The following ZBTB20 variants were observed in gnomAD, a reference collection of about 807,000 sequenced individuals.
ZBTB20 encodes zinc finger and BTB domain-containing protein 20.
Under a neutral mutation model 56.9 loss-of-function variants are expected in ZBTB20, and 9 were observed. The observed-to-expected ratio is 0.16, with a 90% CI of 0.10 to 0.28. The LOEUF is 0.28. Among genes scored for constraint, ZBTB20 ranks in the 10% least tolerant of loss-of-function variants. The pLI is 1.00. For missense variants in ZBTB20, 655 were observed against 1,003.0 expected (o/e 0.65, Z 4.69); for synonymous variants, 417 against 420.7 (o/e 0.99, Z 0.11).
chr3:114,737,114 T>C (rs147756185), intron 5 of ZBTB20, among the ~76,000 whole-genome samples: 1,558 of 152,252 alleles, frequency 0.01, 24 homozygotes, highest in African/African-American at 0.034. Context: ...TACAAATCTA[T>C]GGACAAGATG....
intron 7 of ZBTB20, among the ~76,000 whole-genome samples, chr3:114,393,559 A>G (rs2086074448): frequency 6.6e-6 from 1 of 152,098 alleles, no homozygotes; most frequent in South Asian, 2.1e-4. Flanking sequence ...AGCGTCTATT[A>G]ATCAGAACCA....
At chr3:114,481,377 C>T (rs1470064890) in intron 7 of ZBTB20, among the ~76,000 whole-genome samples, 6 of 152,032 alleles carry the variant, frequency 3.9e-5, no homozygotes, top group Non-Finnish European at 5.9e-5. Flanking sequence ...CTAATCCAAA[C>T]GAGGATAAAC....
chr3:114,380,746 T>C, intron 9 of ZBTB20, 31 bp downstream of exon 9: 1 of 1,492,110 alleles, frequency 6.7e-7, no homozygotes, highest in Non-Finnish European at 8.8e-7. Flanking sequence ...AGTTTTAACA[T>C]GGTCTGGAAA....
chr3:114,453,921 T>TC (rs71616313), intron 7 of ZBTB20, among the ~76,000 whole-genome samples: 3,178 of 80,158 alleles, frequency 0.04, 98 homozygotes, highest in Non-Finnish European at 0.044. Flanking sequence ...TTAAGCTCAC[T>TC]CCCCCCCCCC....
chr3:115,105,492 C>T (rs924211147), intron 1 of ZBTB20, among the ~76,000 whole-genome samples: 1 of 152,148 alleles, frequency 6.6e-6, no homozygotes, highest in African/African-American at 2.4e-5. Flanking sequence ...AGCCATGACT[C>T]TGTGGTTGTG....
intron 6 of ZBTB20, among the ~76,000 whole-genome samples, chr3:114,526,639 A>G (rs191033900): frequency 1.6e-3 from 251 of 152,318 alleles, no homozygotes; most frequent in Non-Finnish European, 2.9e-3. Context: ...ACCTTTTACC[A>G]GGTTTTGCTA....
chr3:114,583,919 G>A (rs527396814), intron 6 of ZBTB20, among the ~76,000 whole-genome samples: 1 of 152,224 alleles, frequency 6.6e-6, no homozygotes, highest in East Asian at 1.9e-4. Flanking sequence ...TTTAGGCCGA[G>A]CTCTGCCACA....
intron 4 of ZBTB20, among the ~76,000 whole-genome samples, chr3:114,857,722 G>A (rs746689265): frequency 2.6e-5 from 4 of 152,166 alleles, no homozygotes; most frequent in Non-Finnish European, 5.9e-5. Flanking sequence ...AATCAACTCA[G>A]TTGCCACTGT....
intron 2 of ZBTB20, among the ~76,000 whole-genome samples, chr3:115,046,355 T>C (rs1047351184): frequency 1.3e-5 from 2 of 152,166 alleles, no homozygotes; most frequent in Non-Finnish European, 2.9e-5. Flanking sequence ...AAAGTCTTCA[T>C]GTTTTGCACC....
chr3:114,869,195 T>C (rs1186977281), intron 4 of ZBTB20, among the ~76,000 whole-genome samples: 1 of 152,074 alleles, frequency 6.6e-6, no homozygotes. Flanking sequence ...CATAAATTCA[T>C]GACAGAAAAA....
At chr3:114,876,667 A>C (rs2076211669) in intron 4 of ZBTB20, among the ~76,000 whole-genome samples, 1 of 152,106 alleles carries the variant, frequency 6.6e-6, no homozygotes, top group Non-Finnish European at 1.5e-5. Context: ...CTGGAAATTC[A>C]CAAGAGAGGA....
chr3:114,781,106 C>T (rs983543130), intron 5 of ZBTB20, among the ~76,000 whole-genome samples: 3 of 151,906 alleles, frequency 2.0e-5, no homozygotes, highest in African/African-American at 7.3e-5. Context: ...AATATATATA[C>T]CTAATATGTA....
chr3:114,565,805 A>G (rs1476952264), intron 6 of ZBTB20, among the ~76,000 whole-genome samples: 1 of 152,152 alleles, frequency 6.6e-6, no homozygotes, highest in Non-Finnish European at 1.5e-5. Context: ...AGAAAAAAAA[A>G]GAAGTGAAAT....
At chr3:114,686,153 C>A (rs1198926152) in intron 6 of ZBTB20, among the ~76,000 whole-genome samples, 1 of 152,098 alleles carries the variant, frequency 6.6e-6, no homozygotes, top group African/African-American at 2.4e-5. Context: ...ATATGTGCAG[C>A]TTAAGGAGCT....
chr3:114,726,634 C>T (rs1246121183), intron 5 of ZBTB20, among the ~76,000 whole-genome samples: 2 of 151,930 alleles, frequency 1.3e-5, no homozygotes, highest in Non-Finnish European at 2.9e-5. Context: ...TGAGATAGGC[C>T]GGGCGCGGTG....
chr3:114,807,397 GGTCT>G (rs1344872724), intron 4 of ZBTB20, among the ~76,000 whole-genome samples: 3 of 151,374 alleles, frequency 2.0e-5, no homozygotes, highest in African/African-American at 7.3e-5. Context: ...TCTTTCTGCT[GGTCT>G]GTCTAACCCT....
intron 6 of ZBTB20, among the ~76,000 whole-genome samples, chr3:114,649,411 A>C (rs1354824258): frequency 2.0e-5 from 3 of 152,034 alleles, no homozygotes; most frequent in Non-Finnish European, 1.5e-5. Flanking sequence ...TCATTTAATA[A>C]AAGAATGTAG....
rs2078662906 is a variant in ZBTB20 at position 114,315,800 on chromosome 3, T to TC, written c.*23204dup. 6.6e-6 allele frequency: 1 copy of TC among 152,248 alleles called. No individual in the cohort carries two copies. The highest frequency in any genetic ancestry group is 2.4e-5 in the African/African-American group (1 of 41,388). 9.4% of individuals were successfully genotyped at this position (152,248 alleles called of 1,614,324 possible). A position where few individuals can be genotyped will look rare whatever the true frequency, so the allele number is the denominator to read the frequency against. ...CATTGAGAACATACATGCCCAGATATCTCTTCTGTGCACATGTATATGTTA... is the reference window on the plus strand; with the variant it reads ...CATTGAGAACATACATGCCCAGATATCCTCTTCTGTGCACATGTATATGTTA... On this transcript the variant is annotated 3_prime_UTR_variant, in exon 12 of 12. Coordinates refer to ENST00000675478, the MANE Select transcript of ZBTB20 (RefSeq NM_001348800.3).
chr3:114,668,809 C>A (rs548684624), intron 6 of ZBTB20, among the ~76,000 whole-genome samples: 1 of 151,894 alleles, frequency 6.6e-6, no homozygotes, highest in Non-Finnish European at 1.5e-5. Context: ...ATCTTAGAAC[C>A]CTTTCTCTAA....
Sources: allele counts gnomAD v4.1 joint callset (sites outside exome capture counted in the v4.1 genomes callset), GRCh38; gene constraint gnomAD v4.1.1; transcripts MANE v1.5; gene names NCBI Gene and HGNC (gene_info 2026-07-23, HGNC 2026-07-21).